CUX1: variants seen among roughly 807,000 people sequenced by gnomAD.
CUX1 encodes cut like homeobox 1, also known as protein CASP.
Under a neutral mutation model 158.8 loss-of-function variants are expected in CUX1, and 31 were observed. That is an observed-to-expected ratio of 0.20 (90% CI 0.15 to 0.26). The LOEUF (loss-of-function observed/expected upper bound fraction) is 0.26, where lower values mean the gene tolerates loss of function less well. CUX1 is among the 10% of genes least tolerant of loss of function. CUX1 has a pLI of 1.00. For synonymous variants in CUX1, 879 were observed against 862.1 expected (o/e 1.02, Z -0.34); for missense variants, 1,589 against 2,014.6 (o/e 0.79, Z 4.04).
chr7:102,264,004 CTTTTT>C (rs60225596), intron 14 of CUX1, among the ~76,000 whole-genome samples: 2 of 100,954 alleles, frequency 2.0e-5, no homozygotes, highest in Non-Finnish European at 3.9e-5. Flanking sequence ...AAGTTAACTT[CTTTTT>C]TTTTTTTTTT....
chr7:102,090,513 G>C (rs879987808), intron 4 of CUX1, among the ~76,000 whole-genome samples: 51 of 151,706 alleles, frequency 3.4e-4, no homozygotes, highest in Admixed American at 6.6e-4. Flanking sequence ...TCAGCCTCCC[G>C]AGTAGCTGGG....
chr7:102,147,892 G>A (rs1375057909), intron 8 of CUX1, among the ~76,000 whole-genome samples: 15 of 152,102 alleles, frequency 9.9e-5, no homozygotes, highest in Non-Finnish European at 1.8e-4. Context: ...CCAGCTACTC[G>A]GGAGGCTGAG....
chr7:101,992,719 C>A (rs1563102553), intron 2 of CUX1, among the ~76,000 whole-genome samples: 1 of 152,146 alleles, frequency 6.6e-6, no homozygotes. Flanking sequence ...GATGATGTGC[C>A]ATACTGTTAG....
intron 10 of CUX1, among the ~76,000 whole-genome samples, chr7:102,171,970 A>G (rs533659070): frequency 4.6e-5 from 7 of 152,382 alleles, no homozygotes; most frequent in Admixed American, 1.3e-4. Flanking sequence ...CCGAAGAACC[A>G]TAAGGAGTAA....
At position 102,197,166 on chromosome 7, in the gene CUX1, C is replaced by G. The variant is rs782192316; in HGVS notation, c.1755C>G (p.Ser585=). 9.3e-6 allele frequency: 15 copies of G among 1,614,094 alleles called. No homozygotes were observed. The East Asian group carries it at 2.9e-4, about 31-fold the overall frequency. ...GHYVLGLSQG[S]VSEILARPKP... ...ATGTGTTGGGACTGTCTCAAGGGTC[C>G]GTGAGCGAGATTCTGGCCCGGCCCA... The change falls in exon 15 of 24, where the codon TCC becomes TCG. Residue 585 remains serine, a synonymous_variant. Transcript: ENST00000292535.
intron 2 of CUX1, among the ~76,000 whole-genome samples, chr7:101,958,909 C>T (rs568557321): frequency 1.4e-5 from 2 of 139,898 alleles, no homozygotes; most frequent in East Asian, 2.2e-4. Flanking sequence ...AGCTGGACTC[C>T]AGTGGTACAG....
At chr7:102,128,488 G>A (rs1021644735) in intron 8 of CUX1, among the ~76,000 whole-genome samples, 6 of 149,862 alleles carry the variant, frequency 4.0e-5, no homozygotes, top group Non-Finnish European at 5.9e-5. Context: ...CCTGGATCTC[G>A]GATGCTGTCC....
At chr7:102,020,593 A>G (rs1014974263) in intron 2 of CUX1, among the ~76,000 whole-genome samples, 3 of 152,174 alleles carry the variant, frequency 2.0e-5, no homozygotes, top group Admixed American at 1.3e-4. Context: ...ATAAAAAGAC[A>G]TTGGGGTCAG....
At chr7:101,831,353 C>T (rs976766157) in intron 1 of CUX1, among the ~76,000 whole-genome samples, 11 of 151,432 alleles carry the variant, frequency 7.3e-5, no homozygotes, top group African/African-American at 2.7e-4. Context: ...TGCAGTGGTG[C>T]AATCTCGGCT....
At chr7:102,142,128 C>T (rs1425664745) in intron 8 of CUX1, among the ~76,000 whole-genome samples, 1 of 152,166 alleles carries the variant, frequency 6.6e-6, no homozygotes, top group African/African-American at 2.4e-5. Flanking sequence ...CAGTCTTCCT[C>T]TGTAGGTCTG....
exon 23 of CUX1, chr7:102,283,196 C>T: frequency 1.1e-6 from 1 of 934,398 alleles, no homozygotes; most frequent in East Asian, 2.6e-5. Flanking sequence ...GGAAACTGCC[C>T]TTATCCGCTG....
chr7:101,987,475 A>G (rs1420783361), intron 2 of CUX1, among the ~76,000 whole-genome samples: 1 of 152,216 alleles, frequency 6.6e-6, no homozygotes, highest in Non-Finnish European at 1.5e-5. Context: ...GACTAGGGTC[A>G]TGTTTCAAAG....
chr7:101,928,375 C>CTTT (rs527554881), intron 2 of CUX1, among the ~76,000 whole-genome samples: 1 of 134,830 alleles, frequency 7.4e-6, no homozygotes, highest in African/African-American at 2.7e-5. Context: ...TTTCTTTTTT[C>CTTT]TTTTTTTTTT....
intron 1 of CUX1, among the ~76,000 whole-genome samples, chr7:101,868,608 T>C (rs896335916): frequency 8.5e-5 from 13 of 152,110 alleles, no homozygotes; most frequent in African/African-American, 2.9e-4. Context: ...CCTGATCCTG[T>C]TTTTTGGAGC....
chr7:101,924,284 G>C (rs1052232823), intron 2 of CUX1, among the ~76,000 whole-genome samples: 1 of 152,124 alleles, frequency 6.6e-6, no homozygotes, highest in Admixed American at 6.5e-5. Flanking sequence ...TGTGGCCTGG[G>C]CCCAAACGCA....
At chr7:102,012,875 C>A (rs1818189685) in intron 2 of CUX1, among the ~76,000 whole-genome samples, 1 of 152,124 alleles carries the variant, frequency 6.6e-6, no homozygotes, top group Non-Finnish European at 1.5e-5. Context: ...AAAATATTTT[C>A]AGTATTCATC....
chr7:101,947,184 T>G (rs1287573034), intron 2 of CUX1, among the ~76,000 whole-genome samples: 12 of 151,674 alleles, frequency 7.9e-5, no homozygotes, highest in Admixed American at 7.9e-4. Context: ...AGCCCAGGAG[T>G]TGGGAGACCG....
In CUX1 at chr7:102,201,002, G is replaced by A. The variant is rs192844301; in HGVS notation, c.2063-358G>A. ...TGATCGTGCCACTGCGCTCCAGCCT[G>A]GACAACAGCGAGATCCTGTCGCTAA... On this transcript the variant is annotated intron_variant, in intron 17 of 23. Coordinates refer to ENST00000292535, the MANE Select transcript of CUX1 (RefSeq NM_181552.4). This position sits in a 1 kb window ranked among gnomAD's most constrained non-coding sequence, Gnocchi z 5.0. Among the ~76,000 whole-genome samples, 48 of 128,800 alleles carry A rather than the reference G, an allele frequency of 3.7e-4. No individual in the cohort carries two copies. The highest frequency in any genetic ancestry group is 1.2e-3 in the African/African-American group (42 of 33,610). 84.5% of individuals were successfully genotyped at this position (128,800 alleles called of 152,430 possible).
chr7:101,936,847 C>T (rs1585031820), intron 2 of CUX1, among the ~76,000 whole-genome samples: 2 of 152,210 alleles, frequency 1.3e-5, no homozygotes, highest in Non-Finnish European at 2.9e-5. Context: ...CAAGCAGCTT[C>T]GTTTCCAGGC....
Sources: gnomAD v4.1 joint callset for allele counts (sites outside exome capture counted in the v4.1 genomes callset) on GRCh38, gnomAD v4.1.1 for gene constraint, Gnocchi (gnomAD v3.1) non-coding constraint, MANE v1.5 for transcripts, NCBI Gene and HGNC (gene_info 2026-07-23, HGNC 2026-07-21) for gene names.